GRIP1: variants seen among roughly 807,000 people sequenced by gnomAD.
GRIP1 encodes the protein glutamate receptor interacting protein 1.
In GRIP1, 45 loss-of-function variants were observed where a neutral mutation model predicts 129.9. The ratio of observed to expected loss-of-function variants is 0.35; its 90% CI spans 0.27 to 0.44. The LOEUF (loss-of-function observed/expected upper bound fraction) is 0.44. GRIP1 is among the 20% of genes least tolerant of loss of function. The probability of loss-of-function intolerance (pLI) is 1.00; values close to 1 mark genes in which losing one functional copy is unlikely to be tolerated. For missense variants in GRIP1, 1,196 were observed against 1,396.8 expected (o/e 0.86, Z 2.29); for synonymous variants, 530 against 520.8 (o/e 1.02, Z -0.24).
At chr12:66,754,683 A>C (rs2037232561) in intron 1 of GRIP1, among the ~76,000 whole-genome samples, 1 of 152,154 alleles carries the variant, frequency 6.6e-6, no homozygotes, top group Non-Finnish European at 1.5e-5. Context: ...CAGAAGTAAG[A>C]CTAACATGGA....
chr12:66,675,278 G>A (rs2034273931), intron 1 of GRIP1, among the ~76,000 whole-genome samples: 1 of 152,148 alleles, frequency 6.6e-6, no homozygotes, highest in South Asian at 2.1e-4. Flanking sequence ...ATTGGCTGAT[G>A]TTGGCATTGG....
chr12:66,401,238 T>C (rs1462618763), intron 16 of GRIP1, among the ~76,000 whole-genome samples: 2 of 152,150 alleles, frequency 1.3e-5, no homozygotes, highest in Non-Finnish European at 2.9e-5. Flanking sequence ...TCAACATTCA[T>C]TGGGCCTCAC....
chr12:66,760,427 G>A (rs1449010565), intron 1 of GRIP1, among the ~76,000 whole-genome samples: 3 of 152,192 alleles, frequency 2.0e-5, no homozygotes, highest in Non-Finnish European at 4.4e-5. Flanking sequence ...AGTTCCACAT[G>A]GCTGGGGAGG....
Position 66,658,938 on chromosome 12 carries a change from A to G in GRIP1, c.55+19912T>C, listed in dbSNP as rs1684914435. Among the ~76,000 whole-genome samples the G allele has an allele frequency of 2.0e-5, 3 of 151,932 alleles. No individual in the cohort carries two copies. In the South Asian group the frequency reaches 6.2e-4, roughly 32 times the overall value. On this transcript the variant is annotated intron_variant, in intron 1 of 24. Coordinates refer to ENST00000359742, the MANE Select transcript of GRIP1 (RefSeq NM_001366722.1). ...GATCTTGTCTCCAAAAAAAAAACAA[A>G]ATAAAACAAAAACAAACGAACAACA...
chr12:66,886,994 T>C (rs531260559), intron 1 of GRIP1, among the ~76,000 whole-genome samples: 142 of 152,354 alleles, frequency 9.3e-4, no homozygotes, highest in African/African-American at 3.2e-3. Flanking sequence ...CTTTTCACTC[T>C]ATCTCACCAT....
chr12:66,544,228 TAAG>T (rs2061875942), intron 2 of GRIP1, among the ~76,000 whole-genome samples: 1 of 152,218 alleles, frequency 6.6e-6, no homozygotes, highest in Non-Finnish European at 1.5e-5. Flanking sequence ...AATGTTTTCC[TAAG>T]AGCTAATTTT....
intron 1 of GRIP1, among the ~76,000 whole-genome samples, chr12:66,854,948 A>G (rs1381187237): frequency 6.6e-6 from 1 of 151,870 alleles, no homozygotes; most frequent in Non-Finnish European, 1.5e-5. Context: ...GAAACTACTT[A>G]CTCTTAAATT....
intron 7 of GRIP1, among the ~76,000 whole-genome samples, chr12:66,506,618 A>G (rs1477598391): frequency 6.6e-6 from 1 of 152,182 alleles, no homozygotes; most frequent in Non-Finnish European, 1.5e-5. Context: ...ATAAATGAAA[A>G]TTTAATAAGT....
At chr12:66,380,752 G>C (rs1472684705) in intron 19 of GRIP1, among the ~76,000 whole-genome samples, 1 of 152,130 alleles carries the variant, frequency 6.6e-6, no homozygotes, top group African/African-American at 2.4e-5. Flanking sequence ...GTTCAAGTGG[G>C]GCTCGATTGT....
chr12:66,970,482 G>T (rs1276007752), intron 1 of GRIP1, among the ~76,000 whole-genome samples: 1 of 151,306 alleles, frequency 6.6e-6, no homozygotes, highest in Admixed American at 6.6e-5. Flanking sequence ...CTAAGATTGG[G>T]TTGTATATAA....
intron 15 of GRIP1, 97 bp from the exon 16 acceptor site, chr12:66,406,525 T>C: frequency 4.2e-6 from 5 of 1,199,560 alleles, no homozygotes; most frequent in Non-Finnish European, 6.2e-6. Flanking sequence ...TGGTAGTCTT[T>C]AGAGGAAAAG....
intron 1 of GRIP1, among the ~76,000 whole-genome samples, chr12:66,702,826 A>C (rs1208699609): frequency 6.6e-6 from 1 of 152,208 alleles, no homozygotes; most frequent in African/African-American, 2.4e-5. Context: ...AGAAAGGAGC[A>C]GTTAGAATTC....
intron 1 of GRIP1, among the ~76,000 whole-genome samples, chr12:66,698,378 A>C (rs1592753422): frequency 6.6e-6 from 1 of 152,324 alleles, no homozygotes; most frequent in Non-Finnish European, 1.5e-5. Flanking sequence ...GTTTTTAAAA[A>C]ATATTTGTTG....
chr12:66,747,259 G>A (rs1198035647), intron 1 of GRIP1, among the ~76,000 whole-genome samples: 1 of 152,118 alleles, frequency 6.6e-6, no homozygotes, highest in African/African-American at 2.4e-5. Flanking sequence ...TTCCTTGGCT[G>A]TATAAACTAC....
intron 1 of GRIP1, among the ~76,000 whole-genome samples, chr12:66,847,701 AG>A (rs2039843090): frequency 1.3e-5 from 2 of 152,176 alleles, no homozygotes; most frequent in South Asian, 2.1e-4. Context: ...CCCTGTTCCT[AG>A]GAACTTTATG....
chr12:67,042,228 T>C (rs139668219), intron 1 of GRIP1, among the ~76,000 whole-genome samples: 144 of 152,270 alleles, frequency 9.5e-4, no homozygotes, highest in Non-Finnish European at 1.7e-3. Context: ...CAAATACATC[T>C]CTTTTCTTTA....
rs929399367 is a variant in GRIP1, at chr12:66,416,103, G to A, written c.1838+4617C>T. Among the ~76,000 whole-genome samples the A allele has an allele frequency of 1.5e-4, 23 of 151,878 alleles. 1 individual carries two copies. The highest frequency in any genetic ancestry group is 4.1e-4 in the African/African-American group (17 of 41,470). On this transcript the variant is annotated intron_variant, in intron 15 of 24. Transcript: ENST00000359742. ...AATTTGAAGAAAAAAAAAACACGACGAATTTTGTAAACTATGCAGACACAT... is the reference window on the plus strand; with the variant it reads ...AATTTGAAGAAAAAAAAAACACGACAAATTTTGTAAACTATGCAGACACAT...
chr12:67,021,091 G>A (rs1278499851), intron 1 of GRIP1, among the ~76,000 whole-genome samples: 20 of 151,982 alleles, frequency 1.3e-4, no homozygotes, highest in Admixed American at 1.3e-3. Flanking sequence ...GAGCAAGACC[G>A]TGTCTCAAAA....
intron 1 of GRIP1, among the ~76,000 whole-genome samples, chr12:66,743,185 G>A (rs1339135749): frequency 6.6e-6 from 1 of 152,050 alleles, no homozygotes; most frequent in Non-Finnish European, 1.5e-5. Flanking sequence ...CATGCAACAG[G>A]TACTCATTAA....
Sources: gnomAD v4.1 joint callset for allele counts (sites outside exome capture counted in the v4.1 genomes callset) on GRCh38, gnomAD v4.1.1 for gene constraint, MANE v1.5 for transcripts, NCBI Gene and HGNC (gene_info 2026-07-23, HGNC 2026-07-21) for gene names.